TMCO6: variants seen among roughly 807,000 people sequenced by gnomAD.
TMCO6 encodes transmembrane and coiled-coil domains 6.
A neutral mutation model predicts 61.8 loss-of-function variants in TMCO6; 47 were observed. The observed-to-expected ratio is 0.76, with a 90% CI of 0.60 to 0.97. The LOEUF is 0.97. TMCO6 is among the 50% of genes least tolerant of loss of function. TMCO6 has a pLI of 0.00. For missense variants in TMCO6, 557 were observed against 601.6 expected (o/e 0.93, Z 0.78); for synonymous variants, 261 against 254.2 (o/e 1.03, Z -0.25).
chr5:140,637,154 G>T (rs1256938344), upstream of TMCO6, among the ~76,000 whole-genome samples: 1 of 152,152 alleles, frequency 6.6e-6, no homozygotes, highest in Non-Finnish European at 1.5e-5. Context: ...CCAAGAGTGG[G>T]AGTAGGGTGG....
At chr5:140,600,450 C>T in the TMCO6 span, among the ~76,000 whole-genome samples, 1 of 151,652 alleles carries the variant, frequency 6.6e-6, no homozygotes, top group African/African-American at 2.4e-5. Context: ...TAATATTACC[C>T]ATAGGGTGAA....
Position 140,645,028 on chromosome 5 carries a change from A to G in TMCO6, c.1412A>G (p.Glu471Gly), listed in dbSNP as rs1757313408. Reference sequence around the variant, plus strand: ...CAGCAGTCAGGGCTGCAAGCCCTGGAAAGGCATCAGGAAGAGGCCCAGCTC... The same window carrying G: ...CAGCAGTCAGGGCTGCAAGCCCTGGGAAGGCATCAGGAAGAGGCCCAGCTC... Reference protein sequence around the residue: ...FLQQSGLQALERHQEEAQLQD... With the variant: ...FLQQSGLQALGRHQEEAQLQD... Residue 471 changes from glutamate (E) to glycine (G), a missense_variant, in exon 12 of 12, where the codon GAA becomes GGA. By Grantham distance (98) the Glu-to-Gly change is moderately conservative (BLOSUM62 -2). Transcript: ENST00000394671. 1 of 1,614,216 alleles carries G rather than the reference A, an allele frequency of 6.2e-7. No individual in the cohort carries two copies. Among genetic ancestry groups the G allele is most frequent in the Non-Finnish European group, 8.5e-7 (1 of 1,180,050 alleles).
the TMCO6 span, chr5:140,633,229 CCCT>C: frequency 1.1e-6 from 1 of 895,616 alleles, no homozygotes; most frequent in Admixed American, 2.0e-5. Context: ...TCATTCAGTT[CCCT>C]CCTCTGTGAA....
chr5:140,620,146 G>A, the TMCO6 span, among the ~76,000 whole-genome samples: 14 of 152,188 alleles, frequency 9.2e-5, no homozygotes, highest in Non-Finnish European at 1.8e-4. Context: ...TTTAGTAGGT[G>A]AATGTATAAA....
chr5:140,602,513 AGCACTTTTCAGAGGCTGAG>A, the TMCO6 span, among the ~76,000 whole-genome samples: 1 of 152,192 alleles, frequency 6.6e-6, no homozygotes, highest in Non-Finnish European at 1.5e-5. Context: ...CTGTAATCCC[AGCACTTTTCAGAGGCTGAG>A]GCACGTGGAT....
the TMCO6 span, chr5:140,608,976 C>T: frequency 2.6e-4 from 40 of 152,366 alleles, no homozygotes; most frequent in African/African-American, 9.4e-4. Flanking sequence ...TTTATCTATT[C>T]TGCACCCATT....
At chr5:140,626,360 A>G in the TMCO6 span, among the ~76,000 whole-genome samples, 10 of 152,250 alleles carry the variant, frequency 6.6e-5, no homozygotes, top group East Asian at 1.2e-3. Context: ...CAGTTTGACC[A>G]TAAGGTAAGA....
the TMCO6 span, among the ~76,000 whole-genome samples, chr5:140,612,314 A>G: frequency 7.0e-6 from 1 of 142,938 alleles, no homozygotes; most frequent in African/African-American, 2.6e-5. Flanking sequence ...GCCTTGCTTT[A>G]TTAACACAAC....
At position 140,645,098 on chromosome 5, in the gene TMCO6, ATCTTGTTTC is replaced by A; in HGVS notation, c.*3_*11del. 6.2e-7 allele frequency: 1 copy of A among 1,613,856 alleles called. No individual in the cohort carries two copies. Reference sequence around the variant, plus strand: ...TCCAGCAGACAGCTCTTCAAGGGTGATCTTGTTTCTCAATGTCACTCATTCCCCTCTCTC... The same window carrying A: ...TCCAGCAGACAGCTCTTCAAGGGTGATCAATGTCACTCATTCCCCTCTCTC... On this transcript the variant is annotated 3_prime_UTR_variant, in exon 12 of 12. Coordinates refer to ENST00000394671, the MANE Select transcript of TMCO6 (RefSeq NM_018502.5).
At chr5:140,604,377 C>T in the TMCO6 span, among the ~76,000 whole-genome samples, 1 of 151,862 alleles carries the variant, frequency 6.6e-6, no homozygotes, top group Non-Finnish European at 1.5e-5. Context: ...CTGGGCAACA[C>T]AGTGAGATTC....
At chr5:140,607,564 A>G in the TMCO6 span, among the ~76,000 whole-genome samples, 1 of 152,160 alleles carries the variant, frequency 6.6e-6, no homozygotes, top group African/African-American at 2.4e-5. Context: ...AATGAGGAGT[A>G]CAATTATTGG....
the TMCO6 span, among the ~76,000 whole-genome samples, chr5:140,599,128 T>C: frequency 9.9e-5 from 15 of 152,212 alleles, no homozygotes; most frequent in Non-Finnish European, 1.6e-4. Context: ...CAGTTCTTGT[T>C]GGCATTTTGT....
chr5:140,621,268 A>G, the TMCO6 span, among the ~76,000 whole-genome samples: 1 of 152,242 alleles, frequency 6.6e-6, no homozygotes, highest in East Asian at 1.9e-4. Flanking sequence ...AGGGACCCCA[A>G]ATGGAGGGAC....
At chr5:140,646,336 A>G (rs1219227098), downstream of TMCO6, among the ~76,000 whole-genome samples, 1 of 152,140 alleles carries the variant, frequency 6.6e-6, no homozygotes, top group Non-Finnish European at 1.5e-5. Flanking sequence ...AGGCTCCCAT[A>G]GGCTATCTAA....
At chr5:140,607,241 T>C in the TMCO6 span, among the ~76,000 whole-genome samples, 1 of 152,208 alleles carries the variant, frequency 6.6e-6, no homozygotes, top group Admixed American at 6.5e-5. Context: ...CTACTTACCA[T>C]CTGACTAAGC....
chr5:140,631,312 A>G, the TMCO6 span, among the ~76,000 whole-genome samples: 1 of 152,074 alleles, frequency 6.6e-6, no homozygotes, highest in South Asian at 2.1e-4. Flanking sequence ...GGAGACAGAC[A>G]GAGAGGGAGA....
chr5:140,641,839 C>A (rs781099691), intron 3 of TMCO6, 31 bp from the exon 4 acceptor site: 1 of 1,614,062 alleles, frequency 6.2e-7, no homozygotes, highest in Non-Finnish European at 8.5e-7. Context: ...GGACCACAAG[C>A]TAAGCAGGGC....
chr5:140,632,396 A>T, the TMCO6 span: 4 of 1,614,028 alleles, frequency 2.5e-6, no homozygotes, highest in Admixed American at 6.7e-5. The surrounding 1 kb of genome is among the most constrained non-coding windows in gnomAD (Gnocchi z 6.2). Context: ...CTAGGCTGGT[A>T]AGGGCCGGGA....
At position 140,642,585 on chromosome 5, in the gene TMCO6, GT is replaced by G. The variant is rs1229526753; in HGVS notation, c.604del (p.Ser202ProfsTer114). The G allele has an allele frequency of 2.5e-6, 4 of 1,614,046 alleles. No homozygotes were observed. In the African/African-American group the frequency reaches 5.3e-5, roughly 22 times the overall value. Reference protein sequence around the residue: ...IVPALAACIQSPHVAVLEALG... With the variant: ...IVPALAACIQXPHVAVLEALG... Reference sequence around the variant, plus strand: ...CAGATCCTTACCCTGTCTACTTCCAGTCCCCCCATGTGGCTGTGCTGGAAGC... The same window carrying G: ...CAGATCCTTACCCTGTCTACTTCCAGCCCCCCATGTGGCTGTGCTGGAAGC... On this transcript the variant is annotated frameshift_variant and splice_region_variant, in exon 6 of 12. Transcript: ENST00000394671. LOFTEE classifies it high-confidence loss of function.
Sources: gnomAD v4.1 joint callset for allele counts (sites outside exome capture counted in the v4.1 genomes callset) on GRCh38, gnomAD v4.1.1 for gene constraint, Gnocchi (gnomAD v3.1) non-coding constraint, MANE v1.5 for transcripts, NCBI Gene and HGNC (gene_info 2026-07-23, HGNC 2026-07-21) for gene names.